The following CCDC85A variants were observed in gnomAD, a reference collection of about 807,000 sequenced individuals.
CCDC85A encodes the protein coiled-coil domain containing 85A, also known as coiled-coil domain-containing protein 85A.
A neutral mutation model predicts 50.2 loss-of-function variants in CCDC85A; 38 were observed. The observed-to-expected ratio is 0.76, with a 90% CI of 0.58 to 0.99. The LOEUF (loss-of-function observed/expected upper bound fraction) is 0.99, where lower values mean the gene tolerates loss of function less well. CCDC85A is among the 50% of genes least tolerant of loss of function. The pLI is 0.00. For missense variants in CCDC85A, 820 were observed against 742.0 expected, an observed-to-expected ratio of 1.11 and a Z score of -1.22; for synonymous variants, 366 against 301.4, an observed-to-expected ratio of 1.21 and a Z score of -2.22.
intron 4 of CCDC85A, among the ~76,000 whole-genome samples, chr2:56,374,120 A>G (rs926797846): frequency 6.6e-6 from 1 of 152,196 alleles, no homozygotes; most frequent in Non-Finnish European, 1.5e-5. Context: ...CTAATTGACA[A>G]TCCTGTTTCA....
chr2:56,206,132 A>C (rs530703769), intron 2 of CCDC85A, among the ~76,000 whole-genome samples: 4 of 152,256 alleles, frequency 2.6e-5, no homozygotes, highest in Non-Finnish European at 4.4e-5. Context: ...TAATTTTGGA[A>C]AGTGAGTCAA....
chr2:56,362,073 C>A (rs1675554332), intron 3 of CCDC85A, among the ~76,000 whole-genome samples: 1 of 152,094 alleles, frequency 6.6e-6, no homozygotes, highest in African/African-American at 2.4e-5. Context: ...AGGAAAGGGA[C>A]TGCATACGGC....
intron 2 of CCDC85A, among the ~76,000 whole-genome samples, chr2:56,211,996 T>A (rs1301279309): frequency 6.6e-6 from 1 of 152,032 alleles, no homozygotes; most frequent in Non-Finnish European, 1.5e-5. Context: ...TTTTTGTACA[T>A]TACACAGGAG....
At chr2:56,360,579 C>T (rs1045695389) in intron 3 of CCDC85A, among the ~76,000 whole-genome samples, 5 of 152,164 alleles carry the variant, frequency 3.3e-5, no homozygotes, top group Non-Finnish European at 7.3e-5. Flanking sequence ...GCTTTAGTGT[C>T]ACTTTTCAGA....
intron 2 of CCDC85A, among the ~76,000 whole-genome samples, chr2:56,218,370 A>G (rs1325941102): frequency 6.6e-6 from 1 of 151,866 alleles, no homozygotes; most frequent in Non-Finnish European, 1.5e-5. Flanking sequence ...ATAGGTATAC[A>G]TTGTAGCAAA....
chr2:56,374,902 T>G (rs936472562), intron 4 of CCDC85A, among the ~76,000 whole-genome samples: 1 of 152,224 alleles, frequency 6.6e-6, no homozygotes, highest in Non-Finnish European at 1.5e-5. Context: ...TAGAATCAAC[T>G]TGAATGGAGC....
intron 3 of CCDC85A, among the ~76,000 whole-genome samples, chr2:56,367,960 T>TAGCTTGTCCAAAGTCATGC (rs11273666): frequency 0.5 from 75,728 of 151,058 alleles, 20,167 homozygotes; most frequent in East Asian, 0.78. Context: ...AAAGGCCATA[T>TAGCTTGTCCAAAGTCATGC]AGCTTGTCCA....
chr2:56,376,714 TG>T (rs376145192), intron 5 of CCDC85A, among the ~76,000 whole-genome samples: 18 of 152,218 alleles, frequency 1.2e-4, no homozygotes, highest in Admixed American at 1.2e-3. Flanking sequence ...CAAATTGAGA[TG>T]GTTTCTTGAA....
chr2:56,228,219 C>G (rs187659122), intron 2 of CCDC85A, among the ~76,000 whole-genome samples: 1 of 152,178 alleles, frequency 6.6e-6, no homozygotes, highest in African/African-American at 2.4e-5. Flanking sequence ...CCCTAATTTC[C>G]TTATCTGTAA....
In CCDC85A at chr2:56,342,925, G is replaced by A; in HGVS notation, c.1287G>A (p.Gln429=). 1.3e-6 allele frequency: 2 copies of A among 1,598,312 alleles called. No homozygotes were observed. Among genetic ancestry groups the A allele is most frequent in the Non-Finnish European group, 1.7e-6 (2 of 1,171,548 alleles). ...YVRQLEARVR[Q]LEEENRMLPQ... ...GGCAGCTGGAGGCAAGAGTAAGACA[G>A]CTGGAGGAAGAAAATCGCATGCTGC... The change falls in exon 3 of 6, where the codon CAG becomes CAA. Residue 429 remains glutamine (Q), a synonymous_variant. Coordinates refer to ENST00000407595, the MANE Select transcript of CCDC85A (RefSeq NM_001080433.2).
chr2:56,279,912 C>T (rs1303867539), intron 2 of CCDC85A, among the ~76,000 whole-genome samples: 2 of 152,214 alleles, frequency 1.3e-5, no homozygotes, highest in African/African-American at 4.8e-5. Flanking sequence ...ATGCAGACTT[C>T]TCTTTGATAC....
intron 2 of CCDC85A, among the ~76,000 whole-genome samples, chr2:56,342,611 T>C (rs1390781306): frequency 6.6e-6 from 1 of 152,242 alleles, no homozygotes. Context: ...AGAATCTTAA[T>C]ACTAATCGTC....
At chr2:56,247,609 A>G (rs1441176611) in intron 2 of CCDC85A, among the ~76,000 whole-genome samples, 2 of 152,204 alleles carry the variant, frequency 1.3e-5, no homozygotes, top group African/African-American at 2.4e-5. Context: ...TTTCCAAACT[A>G]TGTCTTATTT....
At chr2:56,238,087 T>C (rs993581569) in intron 2 of CCDC85A, among the ~76,000 whole-genome samples, 1 of 152,170 alleles carries the variant, frequency 6.6e-6, no homozygotes, top group South Asian at 2.1e-4. Flanking sequence ...ATTATTCATC[T>C]CTGCTTTTTC....
intron 2 of CCDC85A, among the ~76,000 whole-genome samples, chr2:56,214,272 C>G (rs1326245925): frequency 6.6e-6 from 1 of 151,826 alleles, no homozygotes; most frequent in Non-Finnish European, 1.5e-5. Flanking sequence ...TAATTCCTAC[C>G]TCATAGGGAT....
intron 2 of CCDC85A, among the ~76,000 whole-genome samples, chr2:56,339,340 C>G (rs919986036): frequency 6.6e-6 from 1 of 152,138 alleles, no homozygotes; most frequent in African/African-American, 2.4e-5. Flanking sequence ...TGGACATGAT[C>G]TATTGTAATT....
chr2:56,187,734 G>T (rs1411313620), intron 1 of CCDC85A, among the ~76,000 whole-genome samples: 1 of 152,152 alleles, frequency 6.6e-6, no homozygotes, highest in African/African-American at 2.4e-5. Flanking sequence ...GACATTCTTT[G>T]CTTAGAATGT....
At chr2:56,234,145 A>T (rs2103945651) in intron 2 of CCDC85A, among the ~76,000 whole-genome samples, 1 of 152,310 alleles carries the variant, frequency 6.6e-6, no homozygotes, top group African/African-American at 2.4e-5. Flanking sequence ...CATGTAGTTA[A>T]CATCCAGTGC....
At chr2:56,290,742 A>G (rs755305186) in intron 2 of CCDC85A, among the ~76,000 whole-genome samples, 2 of 152,228 alleles carry the variant, frequency 1.3e-5, no homozygotes, top group Admixed American at 6.5e-5. Context: ...AGAAAACTAC[A>G]TTTGGCACTT....
Sources: allele counts gnomAD v4.1 joint callset (sites outside exome capture counted in the v4.1 genomes callset), GRCh38; gene constraint gnomAD v4.1.1; transcripts MANE v1.5; gene names NCBI Gene and HGNC (gene_info 2026-07-23, HGNC 2026-07-21).